Variants in RIMS2 observed in about 807,000 individuals in gnomAD.
RIMS2 encodes regulating synaptic membrane exocytosis 2.
In RIMS2, 59 loss-of-function variants were observed where a neutral mutation model predicts 174.4. The ratio of observed to expected loss-of-function variants is 0.34; its 90% confidence interval spans 0.27 to 0.42. The LOEUF (loss-of-function observed/expected upper bound fraction) is 0.42. Among genes scored for constraint, RIMS2 ranks in the 10% least tolerant of loss-of-function variants. The pLI is 1.00. For missense variants in RIMS2, 1,620 were observed against 1,666.3 expected, an observed-to-expected ratio of 0.97 and a Z score of 0.48; for synonymous variants, 606 against 572.5, an observed-to-expected ratio of 1.06 and a Z score of -0.84.
intron 19 of RIMS2, among the ~76,000 whole-genome samples, chr8:104,200,440 G>A (rs1053603873): frequency 6.6e-6 from 1 of 152,106 alleles, no homozygotes; most frequent in African/African-American, 2.4e-5. Flanking sequence ...GGATTAAAAG[G>A]GAGAAACTGG....
intron 2 of RIMS2, among the ~76,000 whole-genome samples, chr8:103,754,653 T>A (rs1396564033): frequency 1.3e-5 from 2 of 152,228 alleles, no homozygotes; most frequent in Non-Finnish European, 2.9e-5. Context: ...TTAGCTCTTC[T>A]TGTTGAATTG....
chr8:103,749,265 G>C (rs2139651273), intron 2 of RIMS2, among the ~76,000 whole-genome samples: 1 of 151,690 alleles, frequency 6.6e-6, no homozygotes, highest in Non-Finnish European at 1.5e-5. Flanking sequence ...GCATCCGCCA[G>C]CACGCCCGGC....
At chr8:103,768,848 G>A in intron 3 of RIMS2, 1 of 586,768 alleles carries the variant, frequency 1.7e-6, no homozygotes. Context: ...CACAAATGGT[G>A]CCATATTGCT....
At chr8:104,157,661 A>G (rs1463041158) in intron 19 of RIMS2, among the ~76,000 whole-genome samples, 1 of 152,182 alleles carries the variant, frequency 6.6e-6, no homozygotes, top group African/African-American at 2.4e-5. Context: ...TTTAAGGCTG[A>G]ATAATATTCC....
Position 103,849,391 on chromosome 8 carries a change from T to C in RIMS2, c.699-35907T>C, listed in dbSNP as rs77741002. 7.0e-3 allele frequency among the ~76,000 whole-genome samples: 1,065 copies of C among 152,168 alleles called. 10 individuals carry two copies. Among genetic ancestry groups the C allele is most frequent in the African/African-American group, 0.025 (1,026 of 41,552 alleles). On this transcript the variant is annotated intron_variant, in intron 3 of 23. Transcript: ENST00000504942. ...GAAGGAATGTTCTTCAGGAAAAATCTTTAAGGAGGTGATGGAAGCAAGATA... is the reference window on the plus strand; with the variant it reads ...GAAGGAATGTTCTTCAGGAAAAATCCTTAAGGAGGTGATGGAAGCAAGATA...
intron 19 of RIMS2, among the ~76,000 whole-genome samples, chr8:104,042,581 G>C (rs2096627212): frequency 6.6e-6 from 1 of 151,562 alleles, no homozygotes. Flanking sequence ...TCACTGATCA[G>C]ACTAGATATT....
At chr8:103,789,364 C>G (rs1438936660) in intron 3 of RIMS2, among the ~76,000 whole-genome samples, 1 of 152,142 alleles carries the variant, frequency 6.6e-6, no homozygotes, top group Admixed American at 6.5e-5. Context: ...ACTTCTGTCT[C>G]TGACCTCAAA....
chr8:104,178,070 C>T (rs2098916132), intron 19 of RIMS2, among the ~76,000 whole-genome samples: 1 of 152,088 alleles, frequency 6.6e-6, no homozygotes, highest in Non-Finnish European at 1.5e-5. Context: ...TGTAGAGGCT[C>T]AAAACAATGC....
At chr8:103,609,016 C>T (rs148485096) in intron 1 of RIMS2, among the ~76,000 whole-genome samples, 4 of 152,286 alleles carry the variant, frequency 2.6e-5, no homozygotes, top group Middle Eastern at 3.4e-3. Context: ...TGGCTCCTCC[C>T]TCCCATTTTT....
intron 19 of RIMS2, among the ~76,000 whole-genome samples, chr8:104,173,982 C>T (rs1264716983): frequency 1.3e-5 from 2 of 149,812 alleles, no homozygotes; most frequent in East Asian, 4.0e-4. Context: ...GAGTTTCTCT[C>T]GTCACCCAGG....
intron 1 of RIMS2, among the ~76,000 whole-genome samples, chr8:103,639,921 A>G (rs1478869585): frequency 6.6e-6 from 1 of 151,976 alleles, no homozygotes; most frequent in Non-Finnish European, 1.5e-5. Flanking sequence ...CTATAGATCA[A>G]ATCATAAGAA....
At chr8:103,821,425 AG>A (rs2098751030) in intron 3 of RIMS2, among the ~76,000 whole-genome samples, 1 of 151,656 alleles carries the variant, frequency 6.6e-6, no homozygotes, top group Non-Finnish European at 1.5e-5. Flanking sequence ...ATCTTGCTTT[AG>A]GGGAAAAAAA....
chr8:104,159,867 G>A (rs971511441), intron 19 of RIMS2, among the ~76,000 whole-genome samples: 2 of 152,080 alleles, frequency 1.3e-5, no homozygotes, highest in African/African-American at 2.4e-5. Context: ...GACTGGGCAC[G>A]GTGGCTCATG....
At chr8:103,650,506 A>G (rs907436436) in intron 1 of RIMS2, among the ~76,000 whole-genome samples, 17 of 152,180 alleles carry the variant, frequency 1.1e-4, no homozygotes, top group African/African-American at 4.1e-4. Flanking sequence ...GTATTCTCCA[A>G]AGCTGGAATG....
At chr8:103,989,166 A>C in intron 16 of RIMS2, 139 bp from the exon 19 acceptor site, 1 of 616,344 alleles carries the variant, frequency 1.6e-6, no homozygotes, top group Non-Finnish European at 2.9e-6. Context: ...ACCTTTAGTT[A>C]GAGATGCAAT....
At chr8:103,652,776 G>T (rs1251845917) in intron 1 of RIMS2, 66 bp downstream of exon 3, 13 of 948,872 alleles carry the variant, frequency 1.4e-5, no homozygotes, top group Admixed American at 2.3e-5. Flanking sequence ...AAAAGTATGT[G>T]TTAAAATACT....
At chr8:103,551,929 C>T (rs1469761997) in intron 1 of RIMS2, among the ~76,000 whole-genome samples, 3 of 152,114 alleles carry the variant, frequency 2.0e-5, no homozygotes, top group East Asian at 1.9e-4. Context: ...GAACTACAAA[C>T]CACTGCTCAA....
At chr8:103,971,835 T>G (rs1192856944) in intron 15 of RIMS2, among the ~76,000 whole-genome samples, 6 of 152,232 alleles carry the variant, frequency 3.9e-5, no homozygotes, top group Non-Finnish European at 2.9e-5. Context: ...CCTCCCAAAG[T>G]GCTGGGATTA....
In RIMS2 at chr8:104,192,473, G is replaced by A. The variant is rs1465809367; in HGVS notation, c.3335-52443G>A. ...AATATTTCTTGTTATTTGAGCAGTA[G>A]TGTTTCTTTATCATTGTGATACAAT... is the stretch of plus-strand genomic sequence containing the variant. On this transcript the variant is annotated intron_variant, in intron 19 of 23. Transcript: ENST00000504942. Among the ~76,000 whole-genome samples, 3 of 151,890 alleles carry A rather than the reference G, an allele frequency of 2.0e-5. No homozygotes were observed. The East Asian group carries it at 5.8e-4, about 29-fold the overall frequency.
Sources: allele counts gnomAD v4.1 joint callset (sites outside exome capture counted in the v4.1 genomes callset), GRCh38; gene constraint gnomAD v4.1.1; transcripts MANE v1.5; gene names NCBI Gene and HGNC (gene_info 2026-07-23, HGNC 2026-07-21).